GIN1: variants seen among roughly 807,000 people sequenced by gnomAD.
GIN1 encodes the protein gypsy retrotransposon integrase 1, also known as gypsy retrotransposon integrase-like protein 1.
In GIN1, 41 loss-of-function variants were observed where a neutral mutation model predicts 51.4. That is an observed-to-expected ratio of 0.80 (90% CI 0.62 to 1.04). The LOEUF (loss-of-function observed/expected upper bound fraction) is 1.04. Ranked by LOEUF, GIN1 falls within the 50% of genes least tolerant of loss-of-function variation. GIN1 has a pLI of 0.00. For synonymous variants in GIN1, 222 were observed against 206.5 expected, an observed-to-expected ratio of 1.07 and a Z score of -0.64; for missense variants, 610 against 612.4, an observed-to-expected ratio of 1.00 and a Z score of 0.04.
intron 3 of GIN1, among the ~76,000 whole-genome samples, chr5:103,105,168 C>T (rs540832909): frequency 6.6e-6 from 1 of 151,890 alleles, no homozygotes; most frequent in East Asian, 1.9e-4. Context: ...GGATGAGAAA[C>T]TCAAGTATAC....
intron 4 of GIN1, among the ~76,000 whole-genome samples, chr5:103,099,657 C>T (rs1211425692): frequency 6.6e-6 from 1 of 152,194 alleles, no homozygotes; most frequent in Non-Finnish European, 1.5e-5. Flanking sequence ...CATCCTTACT[C>T]TGTCAGCCCC....
chr5:103,093,100 C>T (rs1787300999), intron 7 of GIN1, among the ~76,000 whole-genome samples: 1 of 151,974 alleles, frequency 6.6e-6, no homozygotes, highest in South Asian at 2.1e-4. Flanking sequence ...TTCATGAATG[C>T]AGACCATAAT....
Position 103,088,031 on chromosome 5 carries a change from G to T in GIN1, c.1436C>A (p.Ser479Ter), listed in dbSNP as rs1474485569. 6.2e-7 allele frequency: 1 copy of T among 1,609,476 alleles called. No homozygotes were observed. Among genetic ancestry groups the T allele is most frequent in the African/African-American group, 1.3e-5 (1 of 74,824 alleles). The stretch of plus-strand genomic sequence containing the variant: ...TTCTAATAGTTCACGATCCTTGCTT[G>T]ATGTCAGTAATTCATTATCGACTAT... ...IGIVDNELLT[S>*]SKDRELLEYR... The change falls in exon 8 of 8, where the codon TCA (serine) becomes TAA (stop). Residue 479 changes from serine to a stop codon, truncating the protein, a stop_gained. Coordinates refer to ENST00000399004, the MANE Select transcript of GIN1 (RefSeq NM_017676.2). LOFTEE classifies it high-confidence loss of function.
At chr5:103,109,722 G>A (rs781922122) in intron 1 of GIN1, among the ~76,000 whole-genome samples, 2 of 152,050 alleles carry the variant, frequency 1.3e-5, no homozygotes, top group South Asian at 4.1e-4. Flanking sequence ...ACTTCCAATT[G>A]ATTATTAAAT....
chr5:103,096,784 T>C lies in GIN1; in HGVS notation c.1051A>G (p.Ile351Val), dbSNP rs1554195130. 23 of 1,607,530 alleles carry C rather than the reference T, an allele frequency of 1.4e-5. No homozygotes were observed. Among genetic ancestry groups the C allele is most frequent in the Non-Finnish European group, 1.9e-5 (22 of 1,174,426 alleles). Residue 351 changes from isoleucine to valine, a missense_variant, in exon 7 of 8, where the codon ATT becomes GTT. Coordinates refer to ENST00000399004, the MANE Select transcript of GIN1 (RefSeq NM_017676.2). ...AATTGTTTGGGTTTCTTTTTAACAA[T>C]GATCTTGCTTTTATTTAGTTCATCC... Reference protein sequence around the residue: ...NLDELNKSKIIVKKKPKQLNP... With the variant: ...NLDELNKSKIVVKKKPKQLNP...
intron 1 of GIN1, among the ~76,000 whole-genome samples, chr5:103,111,247 G>A (rs1787874439): frequency 6.6e-6 from 1 of 151,648 alleles, no homozygotes; most frequent in Non-Finnish European, 1.5e-5. Context: ...ATACTACAAT[G>A]ATAACACATT....
intron 4 of GIN1, among the ~76,000 whole-genome samples, chr5:103,100,499 C>CT (rs1374746550): frequency 2.0e-5 from 3 of 152,062 alleles, no homozygotes; most frequent in African/African-American, 7.2e-5. Context: ...TTAAGCAATC[C>CT]TTACACGTTA....
At chr5:103,107,222 A>G (rs574433464) in intron 2 of GIN1, among the ~76,000 whole-genome samples, 1 of 152,192 alleles carries the variant, frequency 6.6e-6, no homozygotes, top group East Asian at 1.9e-4. Context: ...GGAGTACTCA[A>G]AGTAGGAAGA....
At chr5:103,091,924 C>G (rs7708325) in intron 7 of GIN1, among the ~76,000 whole-genome samples, 1 of 151,786 alleles carries the variant, frequency 6.6e-6, no homozygotes, top group Non-Finnish European at 1.5e-5. Context: ...ACTCAGGAGG[C>G]CGAGGTAGGA....
intron 1 of GIN1, among the ~76,000 whole-genome samples, chr5:103,117,210 A>T (rs1788056278): frequency 6.6e-6 from 1 of 152,160 alleles, no homozygotes; most frequent in Non-Finnish European, 1.5e-5. Context: ...AGGATTGATA[A>T]GGAACAAACT....
chr5:103,100,724 C>T (rs1787549430), intron 4 of GIN1, among the ~76,000 whole-genome samples: 1 of 151,986 alleles, frequency 6.6e-6, no homozygotes, highest in Non-Finnish European at 1.5e-5. Flanking sequence ...TTTCAAAGTC[C>T]TGGTTTGGTT....
intron 3 of GIN1, 40 bp downstream of exon 3, chr5:103,106,676 A>G: frequency 8.6e-7 from 1 of 1,159,884 alleles, no homozygotes; most frequent in Non-Finnish European, 1.2e-6. Context: ...TATCTATCAG[A>G]AAGACATTAT....
intron 1 of GIN1, among the ~76,000 whole-genome samples, chr5:103,118,106 A>G (rs1256266673): frequency 6.6e-6 from 1 of 152,178 alleles, no homozygotes; most frequent in Non-Finnish European, 1.5e-5. Flanking sequence ...CTATTTGTGA[A>G]TGAATAAAGA....
Position 103,096,830 on chromosome 5 carries a change from C to T in GIN1, c.1009-4G>A, listed in dbSNP as rs782572366. ...CATCCAAATTGTTGTTCTCCATCTA[C>T]AAGTGTAAAAAGAAAAAGAACAAAG... On this transcript the variant is annotated splice_polypyrimidine_tract_variant and splice_region_variant and intron_variant, in intron 6 of 7. Transcript: ENST00000399004. 1.3e-5 allele frequency: 21 copies of T among 1,559,666 alleles called. No individual in the cohort carries two copies. In the Admixed American group the frequency reaches 3.4e-4, roughly 25 times the overall value.
chr5:103,113,137 T>C (rs2151476673), intron 1 of GIN1, among the ~76,000 whole-genome samples: 1 of 152,164 alleles, frequency 6.6e-6, no homozygotes, highest in Middle Eastern at 3.4e-3. Flanking sequence ...GTCTCTAATA[T>C]GGTCCCTGTC....
chr5:103,095,391 G>A (rs1278371773), intron 7 of GIN1, among the ~76,000 whole-genome samples: 1 of 152,102 alleles, frequency 6.6e-6, no homozygotes, highest in Non-Finnish European at 1.5e-5. Context: ...AATATAACTT[G>A]TTTAGAGTGC....
Position 103,097,751 on chromosome 5 carries a change from T to C in GIN1, c.670A>G (p.Ile224Val). ...GTGTGAGAAATTACAATTTGCTTTA[T>C]GCCAAACAATCTGTACAGTTCAATA... ...INIELYRLFG[I>V]KQIVISHTSG... The change falls in exon 5 of 8, where the codon ATA (isoleucine) becomes GTA (valine). Residue 224 changes from isoleucine (I) to valine (V), a missense_variant. Coordinates refer to ENST00000399004, the MANE Select transcript of GIN1 (RefSeq NM_017676.2). The C allele has an allele frequency of 1.3e-6, 2 of 1,570,870 alleles. No individual in the cohort carries two copies. Among genetic ancestry groups the C allele is most frequent in the Non-Finnish European group, 1.8e-6 (2 of 1,140,374 alleles).
In GIN1 at chr5:103,088,110, T is replaced by C. The variant is rs781823104; in HGVS notation, c.1357A>G (p.Ile453Val). 7 of 1,609,924 alleles carry C rather than the reference T, an allele frequency of 4.3e-6. No individual in the cohort carries two copies. Among genetic ancestry groups the C allele is most frequent in the Non-Finnish European group, 5.9e-6 (7 of 1,176,614 alleles). The change falls in exon 8 of 8, where the codon ATT becomes GTT. Residue 453 changes from isoleucine to valine, a missense_variant. By Grantham distance (29) the Ile-to-Val change is conservative. Coordinates refer to ENST00000399004, the MANE Select transcript of GIN1 (RefSeq NM_017676.2). ...ADHDYIGLPE[I>V]PIGAYQANIL... ...TTTGCTTGATATGCTCCAATCGGAA[T>C]TTCAGGCAATCCAATGTAGTCATGA...
intron 4 of GIN1, among the ~76,000 whole-genome samples, chr5:103,100,670 G>A (rs553772405): frequency 2.0e-5 from 3 of 151,978 alleles, no homozygotes; most frequent in East Asian, 1.9e-4. Context: ...AAAAGCTGAG[G>A]TATGAGCCAC....
Sources: gnomAD v4.1 joint callset for allele counts (sites outside exome capture counted in the v4.1 genomes callset) on GRCh38, gnomAD v4.1.1 for gene constraint, MANE v1.5 for transcripts, NCBI Gene and HGNC (gene_info 2026-07-23, HGNC 2026-07-21) for gene names.